SNTG1: variants seen among roughly 807,000 people sequenced by gnomAD.
SNTG1 encodes the protein syntrophin gamma 1.
Under a neutral mutation model 74.7 loss-of-function variants are expected in SNTG1, and 39 were observed. The ratio of observed to expected loss-of-function variants is 0.52; its 90% CI spans 0.40 to 0.68. The LOEUF (loss-of-function observed/expected upper bound fraction) is 0.68, where lower values mean the gene tolerates loss of function less well. SNTG1 is among the 30% of genes least tolerant of loss of function. The pLI is 0.00. For synonymous variants in SNTG1, 254 were observed against 217.1 expected, an observed-to-expected ratio of 1.17 and a Z score of -1.49; for missense variants, 685 against 609.5, an observed-to-expected ratio of 1.12 and a Z score of -1.30.
chr8:50,656,306 C>T (rs775865297), intron 13 of SNTG1, among the ~76,000 whole-genome samples: 4 of 152,084 alleles, frequency 2.6e-5, no homozygotes, highest in Non-Finnish European at 5.9e-5. Flanking sequence ...ATCGATCTGC[C>T]TTTATTAAGC....
chr8:50,515,502 T>C (rs1414354017), intron 9 of SNTG1, among the ~76,000 whole-genome samples: 1 of 148,922 alleles, frequency 6.7e-6, no homozygotes, highest in African/African-American at 2.5e-5. Context: ...CCAAATGGTG[T>C]AGCTCAGCAG....
intron 1 of SNTG1, among the ~76,000 whole-genome samples, chr8:50,085,283 T>C (rs1349352001): frequency 6.6e-6 from 1 of 151,814 alleles, no homozygotes; most frequent in African/African-American, 2.4e-5. Flanking sequence ...AACTGACAAC[T>C]CCATAGCAGC....
At chr8:49,985,122 T>C (rs1007173945) in intron 1 of SNTG1, among the ~76,000 whole-genome samples, 1 of 152,220 alleles carries the variant, frequency 6.6e-6, no homozygotes, top group African/African-American at 2.4e-5. Flanking sequence ...TGAAATATAC[T>C]GAACATGTTT....
chr8:50,416,310 G>A (rs1029768207), intron 4 of SNTG1, among the ~76,000 whole-genome samples: 1 of 152,112 alleles, frequency 6.6e-6, no homozygotes, highest in African/African-American at 2.4e-5. Context: ...GCATGGAATG[G>A]TTCTATAGTT....
At chr8:50,160,041 CTGCATGTTTGATATTTA>C (rs1432246101) in intron 1 of SNTG1, among the ~76,000 whole-genome samples, 1 of 152,170 alleles carries the variant, frequency 6.6e-6, no homozygotes, top group Admixed American at 6.5e-5. Flanking sequence ...GTAGCAAACT[CTGCATGTTTGATATTTA>C]TGCAGGACAA....
intron 1 of SNTG1, among the ~76,000 whole-genome samples, chr8:50,020,247 T>C (rs1294402364): frequency 2.6e-5 from 4 of 152,166 alleles, no homozygotes; most frequent in Non-Finnish European, 5.9e-5. Context: ...TTCATTTAAT[T>C]AGAGAAGATA....
intron 1 of SNTG1, among the ~76,000 whole-genome samples, chr8:49,965,569 G>A (rs1266058136): frequency 1.3e-5 from 2 of 152,174 alleles, no homozygotes; most frequent in African/African-American, 4.8e-5. Context: ...AGTCTCTAGG[G>A]AAATGTGAAA....
chr8:50,783,031 C>G (rs1052269135), intron 18 of SNTG1, among the ~76,000 whole-genome samples: 1 of 152,106 alleles, frequency 6.6e-6, no homozygotes, highest in Non-Finnish European at 1.5e-5. Context: ...TTTCATGAAC[C>G]GCAAATGCTG....
At chr8:50,609,657 A>G (rs1313303398) in intron 13 of SNTG1, among the ~76,000 whole-genome samples, 1 of 152,092 alleles carries the variant, frequency 6.6e-6, no homozygotes, top group African/African-American at 2.4e-5. Context: ...TAGACTATCA[A>G]TACACATGTT....
chr8:50,046,739 C>T (rs1309930159), intron 1 of SNTG1, among the ~76,000 whole-genome samples: 1 of 152,178 alleles, frequency 6.6e-6, no homozygotes, highest in Non-Finnish European at 1.5e-5. Context: ...TGATTTTCCT[C>T]TGCCACAAAT....
chr8:50,189,755 G>C (rs2083500348), intron 2 of SNTG1, among the ~76,000 whole-genome samples: 1 of 152,106 alleles, frequency 6.6e-6, no homozygotes, highest in Admixed American at 6.6e-5. Context: ...TTTCAGAAGA[G>C]ATAAACATTT....
At chr8:50,609,351 A>G (rs1011755844) in intron 13 of SNTG1, among the ~76,000 whole-genome samples, 2 of 152,076 alleles carry the variant, frequency 1.3e-5, no homozygotes, top group Non-Finnish European at 1.5e-5. Context: ...GTATCATTCA[A>G]CACTTTAAAT....
Position 50,598,439 on chromosome 8 carries a change from G to GT in SNTG1, c.849+7523dup. 1.3e-5 allele frequency among the ~76,000 whole-genome samples: 2 copies of GT among 151,778 alleles called. 1 individual carries two copies. Among genetic ancestry groups the GT allele is most frequent in the Non-Finnish European group, 2.9e-5 (2 of 67,822 alleles). Reference sequence around the variant, plus strand: ...TTTCTTTTCTGTTCCATTGGTTTATGTATCTGTTTTTATGCCAGAACCATA... The same window carrying GT: ...TTTCTTTTCTGTTCCATTGGTTTATGTTATCTGTTTTTATGCCAGAACCATA... On this transcript the variant is annotated intron_variant, in intron 13 of 18. Coordinates refer to ENST00000642720, the MANE Select transcript of SNTG1 (RefSeq NM_018967.5).
intron 8 of SNTG1, among the ~76,000 whole-genome samples, chr8:50,485,262 G>A (rs1587780861): frequency 1.3e-5 from 2 of 152,234 alleles, no homozygotes; most frequent in African/African-American, 4.8e-5. Flanking sequence ...ACTAAGCAAC[G>A]AGACAACTGT....
At chr8:50,587,574 C>T (rs1399996576) in intron 12 of SNTG1, among the ~76,000 whole-genome samples, 1 of 152,164 alleles carries the variant, frequency 6.6e-6, no homozygotes, top group Non-Finnish European at 1.5e-5. Context: ...CCTGAAATCC[C>T]ACCATTTTGG....
intron 1 of SNTG1, among the ~76,000 whole-genome samples, chr8:50,112,920 T>A (rs773181275): frequency 2.6e-5 from 4 of 152,166 alleles, no homozygotes; most frequent in Non-Finnish European, 5.9e-5. Flanking sequence ...GGGTATTATT[T>A]CTGAGGGCTC....
intron 13 of SNTG1, among the ~76,000 whole-genome samples, chr8:50,606,264 G>A (rs917875829): frequency 2.0e-5 from 3 of 152,054 alleles, no homozygotes; most frequent in African/African-American, 7.2e-5. Flanking sequence ...GACATATTAT[G>A]AATATTGAGT....
intron 2 of SNTG1, among the ~76,000 whole-genome samples, chr8:50,302,108 C>A (rs1219376981): frequency 1.3e-5 from 2 of 152,090 alleles, no homozygotes; most frequent in Non-Finnish European, 2.9e-5. Context: ...TTTAAGCATG[C>A]TTTCCAGGGA....
At chr8:50,498,116 G>C (rs2093919929) in intron 8 of SNTG1, among the ~76,000 whole-genome samples, 14 of 151,598 alleles carry the variant, frequency 9.2e-5, no homozygotes, top group Admixed American at 9.2e-4. Flanking sequence ...ATTTCTCTTG[G>C]ATAAATTTCT....
Sources: gnomAD v4.1 joint callset for allele counts (sites outside exome capture counted in the v4.1 genomes callset) on GRCh38, gnomAD v4.1.1 for gene constraint, MANE v1.5 for transcripts, NCBI Gene and HGNC (gene_info 2026-07-23, HGNC 2026-07-21) for gene names.